Variants in SORCS3 observed in about 807,000 individuals in gnomAD.
SORCS3 encodes the protein sortilin related VPS10 domain containing receptor 3.
A neutral mutation model predicts 146.3 loss-of-function variants in SORCS3; 57 were observed. The ratio of observed to expected loss-of-function variants is 0.39; its 90% CI spans 0.31 to 0.49. SORCS3 has a LOEUF of 0.49. Among genes scored for constraint, SORCS3 ranks in the 20% least tolerant of loss-of-function variants. The pLI is 0.92. For synonymous variants in SORCS3, 653 were observed against 618.5 expected (o/e 1.06, Z -0.83); for missense variants, 1,341 against 1,575.5 (o/e 0.85, Z 2.52).
chr10:104,863,048 A>T (rs904871674), intron 2 of SORCS3, among the ~76,000 whole-genome samples: 4 of 152,214 alleles, frequency 2.6e-5, no homozygotes, highest in African/African-American at 9.6e-5. Context: ...CCAAGTAGGT[A>T]CGTTATACTC....
chr10:104,911,603 G>A (rs1223421372), intron 2 of SORCS3, among the ~76,000 whole-genome samples: 1 of 152,156 alleles, frequency 6.6e-6, no homozygotes, highest in Non-Finnish European at 1.5e-5. Context: ...AGAAAAAGAT[G>A]ATAGTTGGAA....
chr10:104,910,867 TTG>T (rs1323681609), intron 2 of SORCS3, among the ~76,000 whole-genome samples: 1 of 152,200 alleles, frequency 6.6e-6, no homozygotes, highest in Non-Finnish European at 1.5e-5. Context: ...TCCAGGTTAG[TTG>T]TGTGCACTGA....
intron 3 of SORCS3, among the ~76,000 whole-genome samples, chr10:104,969,351 G>T (rs963377441): frequency 6.7e-4 from 101 of 150,744 alleles, no homozygotes; most frequent in African/African-American, 2.5e-3. Flanking sequence ...GCGCGCGCGC[G>T]TACAGAGCAT....
In SORCS3 at chr10:105,132,855, A is replaced by G. The variant is rs2056031413; in HGVS notation, c.1213-6542A>G. ...CAGAGCAAATAATTGGATGACATTC[A>G]TCAAATATAAAATAAAAGGTGTCAC... On this transcript the variant is annotated intron_variant, in intron 7 of 26. Coordinates refer to ENST00000369701, the MANE Select transcript of SORCS3 (RefSeq NM_014978.3). Among the ~76,000 whole-genome samples, 3 of 152,352 alleles carry G rather than the reference A, an allele frequency of 2.0e-5. No individual in the cohort carries two copies. The South Asian group carries it at 6.2e-4, about 32-fold the overall frequency.
At chr10:104,753,197 TG>T (rs1362496658) in intron 1 of SORCS3, among the ~76,000 whole-genome samples, 1 of 152,238 alleles carries the variant, frequency 6.6e-6, no homozygotes, top group Admixed American at 6.5e-5. Context: ...GAGATTTACT[TG>T]GGTCTTCCCC....
At chr10:104,921,446 C>G (rs1342821449) in intron 3 of SORCS3, among the ~76,000 whole-genome samples, 1 of 150,842 alleles carries the variant, frequency 6.6e-6, no homozygotes, top group Non-Finnish European at 1.5e-5. Flanking sequence ...GGTCTAACAG[C>G]CAGAGAATGT....
chr10:105,072,282 C>A (rs912139296), intron 5 of SORCS3, among the ~76,000 whole-genome samples: 4 of 152,116 alleles, frequency 2.6e-5, no homozygotes, highest in African/African-American at 9.7e-5. Flanking sequence ...CTCACGTTAG[C>A]CCTTTTAGCA....
chr10:105,168,253 G>C (rs569818436), intron 13 of SORCS3, among the ~76,000 whole-genome samples: 2 of 152,268 alleles, frequency 1.3e-5, no homozygotes, highest in Admixed American at 6.5e-5. Flanking sequence ...CTTTCAAAGA[G>C]TAAGATTATG....
At position 104,945,236 on chromosome 10, in the gene SORCS3, CTGTTTTGTTT is replaced by C. The variant is rs10528591; in HGVS notation, c.795+29326_795+29335del. On this transcript the variant is annotated intron_variant, in intron 3 of 26. Transcript: ENST00000369701. ...GGGTTTCTGAGGTGTTGCTAATTTT[CTGTTTTGTTT>C]TGTTTTGTTTTGTTTTGTTTTTGTT... 8.1e-4 allele frequency among the ~76,000 whole-genome samples: 122 copies of C among 151,450 alleles called. 1 individual carries two copies. In the South Asian group the frequency reaches 0.017, roughly 21 times the overall value.
chr10:105,062,137 A>G (rs2055492026), intron 5 of SORCS3, among the ~76,000 whole-genome samples: 1 of 152,234 alleles, frequency 6.6e-6, no homozygotes. Flanking sequence ...TAATACATGA[A>G]TAGCAATAAC....
At chr10:104,665,602 A>G (rs1336462871) in intron 1 of SORCS3, 2 of 152,260 alleles carry the variant, frequency 1.3e-5, no homozygotes, top group African/African-American at 4.8e-5. Context: ...TTCTTCCTCC[A>G]GCAGTGCAGC....
At chr10:105,100,239 G>A (rs1035537074) in intron 6 of SORCS3, among the ~76,000 whole-genome samples, 1 of 152,158 alleles carries the variant, frequency 6.6e-6, no homozygotes, top group African/African-American at 2.4e-5. Context: ...GACCACACCA[G>A]CTCTTAGAAA....
intron 7 of SORCS3, among the ~76,000 whole-genome samples, chr10:105,109,750 A>G (rs1004919046): frequency 6.6e-6 from 1 of 152,024 alleles, no homozygotes; most frequent in Non-Finnish European, 1.5e-5. Context: ...TTTAAAAAAT[A>G]TTTTGGCCAA....
At chr10:104,938,072 C>T (rs1451209055) in intron 3 of SORCS3, among the ~76,000 whole-genome samples, 1 of 152,124 alleles carries the variant, frequency 6.6e-6, no homozygotes, top group East Asian at 1.9e-4. Context: ...TCCAGGACTC[C>T]CTATGCATCA....
intron 1 of SORCS3, among the ~76,000 whole-genome samples, chr10:104,682,897 T>C (rs1012885067): frequency 5.9e-5 from 9 of 152,186 alleles, no homozygotes; most frequent in Non-Finnish European, 4.4e-5. Flanking sequence ...CCTGAAGCTC[T>C]CTGCTTTCTG....
intron 4 of SORCS3, among the ~76,000 whole-genome samples, chr10:105,022,208 G>A (rs918838428): frequency 1.3e-5 from 2 of 151,940 alleles, no homozygotes; most frequent in South Asian, 2.1e-4. Context: ...AGTTAGTAAT[G>A]TATCAATGTT....
Position 105,193,266 on chromosome 10 carries a change from G to A in SORCS3, c.2010-6733G>A, listed in dbSNP as rs149274662. 2.6e-5 allele frequency among the ~76,000 whole-genome samples: 4 copies of A among 152,260 alleles called. No homozygotes were observed. The East Asian group carries it at 7.7e-4, about 29-fold the overall frequency. On this transcript the variant is annotated intron_variant, in intron 14 of 26. Coordinates refer to ENST00000369701, the MANE Select transcript of SORCS3 (RefSeq NM_014978.3). ...TTGCTGCAATTACTTGCCTGAGATT[G>A]TTTCTGTCCTTCTATATTCCAAATG...
chr10:104,876,308 G>A (rs897882727), intron 2 of SORCS3, among the ~76,000 whole-genome samples: 1 of 152,112 alleles, frequency 6.6e-6, no homozygotes, highest in African/African-American at 2.4e-5. Flanking sequence ...GATGGAGGAT[G>A]GTACTTATTT....
intron 2 of SORCS3, among the ~76,000 whole-genome samples, chr10:104,868,924 A>C (rs1284050985): frequency 6.6e-6 from 1 of 152,146 alleles, no homozygotes; most frequent in Non-Finnish European, 1.5e-5. Context: ...TCATGTTTCT[A>C]TTACCAGTTC....
Sources: gnomAD v4.1 joint callset for allele counts (sites outside exome capture counted in the v4.1 genomes callset) on GRCh38, gnomAD v4.1.1 for gene constraint, MANE v1.5 for transcripts, NCBI Gene and HGNC (gene_info 2026-07-23, HGNC 2026-07-21) for gene names.